Variants in MRGPRF observed in about 807,000 individuals in gnomAD.
MRGPRF encodes the protein MAS related GPR family member F.
In MRGPRF, 2 loss-of-function variants were observed where a neutral mutation model predicts 3.3. The observed-to-expected ratio is 0.61, with a 90% CI of 0.25 to 1.92. MRGPRF has a LOEUF of 1.92. Ranked by LOEUF, MRGPRF falls within the 40% of genes most tolerant of loss-of-function variation. MRGPRF has a pLI of 0.16. For missense variants in MRGPRF, 500 were observed against 476.0 expected (o/e 1.05, Z -0.47); for synonymous variants, 242 against 222.7 (o/e 1.09, Z -0.77).
chr11:69,010,033 C>A, intron 1 of MRGPRF, 76 bp from the exon 2 acceptor site: 1 of 940,132 alleles, frequency 1.1e-6, no homozygotes, highest in South Asian at 1.7e-5. Flanking sequence ...TGCCTAGGCC[C>A]CCAAGGCCTG....
At chr11:69,007,270 C>G (rs900487271) in intron 2 of MRGPRF, among the ~76,000 whole-genome samples, 3 of 152,110 alleles carry the variant, frequency 2.0e-5, no homozygotes, top group South Asian at 2.1e-4. Context: ...TGCAGTGGCC[C>G]GATCTTGGCT....
intron 2 of MRGPRF, 178 bp downstream of exon 2, chr11:69,009,676 G>A (rs766419406): frequency 2.7e-6 from 2 of 739,212 alleles, no homozygotes; most frequent in Non-Finnish European, 4.8e-6. Flanking sequence ...AGGGTAGGAG[G>A]GTCCAGGGAA....
At chr11:69,006,864 T>C (rs1338645386) in intron 2 of MRGPRF, among the ~76,000 whole-genome samples, 1 of 152,116 alleles carries the variant, frequency 6.6e-6, no homozygotes, top group Admixed American at 6.5e-5. Flanking sequence ...CCTCAAGTGA[T>C]CCACCTGCCT....
chr11:69,008,951 G>T (rs963620813), intron 2 of MRGPRF, among the ~76,000 whole-genome samples: 1 of 152,228 alleles, frequency 6.6e-6, no homozygotes, highest in African/African-American at 2.4e-5. Context: ...GTGACCAGCC[G>T]CATACTGCCT....
intron 1 of MRGPRF, 169 bp downstream of exon 1, chr11:69,012,914 T>G (rs1165774483): frequency 6.6e-6 from 1 of 152,412 alleles, no homozygotes; most frequent in Admixed American, 6.5e-5. Context: ...CTCTGGGGTC[T>G]CAGGGCTCCC....
rs564711813 is a variant in MRGPRF, at chr11:69,005,386, C to T, written c.924G>A (p.Val308=). Residue 308 remains valine, a synonymous_variant, in exon 3 of 3, where the codon GTG becomes GTA. Coordinates refer to ENST00000309099, the MANE Select transcript of MRGPRF (RefSeq NM_145015.5). ...CGTCCCGCAGGGCCCGCTGGAAGAC[C>T]ACCCTGAGCGGCTCCCACAGCCGCT... ...KSQRLWEPLR[V]VFQRALRDGA... 15 of 1,575,510 alleles carry T rather than the reference C, an allele frequency of 9.5e-6. No individual in the cohort carries two copies. The highest frequency in any genetic ancestry group is 1.8e-5 in the Admixed American group (1 of 54,560).
rs762684706 is a variant in MRGPRF, at chr11:69,006,193, C to T, written c.117G>A (p.Ala39=). The change falls in exon 3 of 3, where the codon GCG becomes GCA. Residue 39 remains alanine (A), a synonymous_variant. Coordinates refer to ENST00000309099, the MANE Select transcript of MRGPRF (RefSeq NM_145015.5). ...SRGFLTIEQI[A]MLPPPAVMNY... ...TCATGACGGCCGGAGGCGGCAGCAT[C>T]GCGATCTGCTCGATGGTCAGGAAGC... The T allele has an allele frequency of 2.5e-6, 4 of 1,613,822 alleles. No homozygotes were observed. The highest frequency in any genetic ancestry group is 3.3e-4 in the Middle Eastern group (2 of 6,052).
In MRGPRF at chr11:69,006,224, C is replaced by G. The variant is rs934319479; in HGVS notation, c.86G>C (p.Ser29Thr). The G allele has an allele frequency of 1.6e-5, 26 of 1,613,120 alleles. No homozygotes were observed. Among genetic ancestry groups the G allele is most frequent in the Non-Finnish European group, 2.2e-5 (26 of 1,180,022 alleles). Residue 29 changes from serine (S) to threonine (T), a missense_variant, in exon 3 of 3, where the codon AGC (serine) becomes ACC (threonine). Physicochemically the swap from Ser to Thr is moderately conservative, Grantham distance 58. Coordinates refer to ENST00000309099, the MANE Select transcript of MRGPRF (RefSeq NM_145015.5). ...PGLSEAPELY[S>T]RGFLTIEQIA... ...CTGCTCGATGGTCAGGAAGCCCCGGCTGTAGAGTTCCGGGGCCTCGCTCAG... is the reference window on the plus strand; with the variant it reads ...CTGCTCGATGGTCAGGAAGCCCCGGGTGTAGAGTTCCGGGGCCTCGCTCAG...
Position 69,006,133 on chromosome 11 carries a change from C to T in MRGPRF, c.177G>A (p.Leu59=). 1 of 1,614,084 alleles carries T rather than the reference C, an allele frequency of 6.2e-7. No homozygotes were observed. The highest frequency in any genetic ancestry group is 1.6e-4 in the Middle Eastern group (1 of 6,062). The change falls in exon 3 of 3, where the codon CTG becomes CTA. Residue 59 remains leucine, a synonymous_variant. Coordinates refer to ENST00000309099, the MANE Select transcript of MRGPRF (RefSeq NM_145015.5). ...ACCAGAGGACCAGCCCGTTGCCCAC[C>T]AGGCCACACAGGCAGAGGAGCAGGA... The part of the protein sequence containing the change: ...YIFLLLCLCG[L]VGNGLVLWFF...
intron 2 of MRGPRF, among the ~76,000 whole-genome samples, chr11:69,008,378 C>G (rs1032197011): frequency 1.1e-4 from 16 of 152,198 alleles, no homozygotes; most frequent in African/African-American, 3.9e-4. Context: ...GGCTCCCTAA[C>G]AAAACCAAAG....
intron 2 of MRGPRF, among the ~76,000 whole-genome samples, chr11:69,009,080 C>G (rs1042896082): frequency 3.9e-5 from 6 of 152,214 alleles, no homozygotes; most frequent in Non-Finnish European, 7.3e-5. Flanking sequence ...GGCCGCCACT[C>G]CACAGCGGTC....
In MRGPRF at chr11:69,005,461, G is replaced by T. The variant is rs1289358595; in HGVS notation, c.849C>A (p.Asn283Lys). ...AGTAGACGATGGGCTTGGCGCTGCTGTTGATGCAGATGCACAGGTCAGTGA... is the reference window on the plus strand; with the variant it reads ...AGTAGACGATGGGCTTGGCGCTGCTTTTGATGCAGATGCACAGGTCAGTGA... ...EYVTDLCICINSSAKPIVYFL... is the reference protein window; with the variant it reads ...EYVTDLCICIKSSAKPIVYFL... The change falls in exon 3 of 3, where the codon AAC (asparagine) becomes AAA (lysine). Residue 283 changes from asparagine (N) to lysine (K), a missense_variant. By Grantham distance (94) the Asn-to-Lys change is moderately conservative. Coordinates refer to ENST00000309099, the MANE Select transcript of MRGPRF (RefSeq NM_145015.5). 18 of 1,588,532 alleles carry T rather than the reference G, an allele frequency of 1.1e-5. No individual in the cohort carries two copies. Among genetic ancestry groups the T allele is most frequent in the Non-Finnish European group, 1.5e-5 (18 of 1,167,664 alleles).
At chr11:69,010,399 G>A (rs1860570934) in intron 1 of MRGPRF, among the ~76,000 whole-genome samples, 1 of 152,244 alleles carries the variant, frequency 6.6e-6, no homozygotes, top group East Asian at 1.9e-4. Context: ...GGGGGAACCT[G>A]CTGGAGGAGG....
At chr11:69,008,777 G>A (rs973830550) in intron 2 of MRGPRF, among the ~76,000 whole-genome samples, 1 of 152,242 alleles carries the variant, frequency 6.6e-6, no homozygotes, top group African/African-American at 2.4e-5. Flanking sequence ...ACAGGCCCAA[G>A]AGGACCAGCT....
At position 69,006,053 on chromosome 11, in the gene MRGPRF, G is replaced by C; in HGVS notation, c.257C>G (p.Ala86Gly). 3 of 1,592,864 alleles carry C rather than the reference G, an allele frequency of 1.9e-6. No homozygotes were observed. Among genetic ancestry groups the C allele is most frequent in the Non-Finnish European group, 2.6e-6 (3 of 1,169,704 alleles). The part of the protein sequence containing the change: ...NPFSIYFLHL[A>G]SADVGYLFSK... The stretch of plus-strand genomic sequence containing the variant: ...GAAGAGGTAGCCCACATCGGCGCTG[G>C]CCAGGTGCAGGAAGTAGATGGAGAA... Residue 86 changes from alanine (A) to glycine (G), a missense_variant, in exon 3 of 3, where the codon GCC becomes GGC. Transcript: ENST00000309099.
chr11:69,009,808 C>T (rs1339174821), intron 2 of MRGPRF, 46 bp downstream of exon 2: 1 of 1,593,448 alleles, frequency 6.3e-7, no homozygotes, highest in Non-Finnish European at 8.6e-7. Flanking sequence ...CCCTCCCACC[C>T]ACACCCGTCT....
At chr11:69,011,120 G>T (rs1254969166) in intron 1 of MRGPRF, among the ~76,000 whole-genome samples, 4 of 152,030 alleles carry the variant, frequency 2.6e-5, no homozygotes, top group Non-Finnish European at 5.9e-5. Context: ...GGGTCCGCCC[G>T]GCCTCAGCCA....
At chr11:69,011,676 C>G (rs539515279) in intron 1 of MRGPRF, among the ~76,000 whole-genome samples, 3 of 152,326 alleles carry the variant, frequency 2.0e-5, no homozygotes, top group Admixed American at 6.5e-5. Context: ...TTCCGGGCGC[C>G]TGGTAAGAGC....
chr11:69,012,724 C>G (rs1281994500), intron 1 of MRGPRF, among the ~76,000 whole-genome samples: 1 of 152,138 alleles, frequency 6.6e-6, no homozygotes, highest in Non-Finnish European at 1.5e-5. Flanking sequence ...GGGGAGGGAC[C>G]GAGAGGGAGC....
Sources: allele counts gnomAD v4.1 joint callset (sites outside exome capture counted in the v4.1 genomes callset), GRCh38; gene constraint gnomAD v4.1.1; transcripts MANE v1.5; gene names NCBI Gene and HGNC (gene_info 2026-07-23, HGNC 2026-07-21).